NHLRC3: variants seen among roughly 807,000 people sequenced by gnomAD.
NHLRC3 encodes NHL repeat containing 3.
A neutral mutation model predicts 32.0 loss-of-function variants in NHLRC3; 23 were observed. The ratio of observed to expected loss-of-function variants is 0.72; its 90% CI spans 0.52 to 1.02. The LOEUF is 1.02. Among genes scored for constraint, NHLRC3 ranks in the 50% least tolerant of loss-of-function variants. The pLI is 0.00. For synonymous variants in NHLRC3, 159 were observed against 147.9 expected, an observed-to-expected ratio of 1.08 and a Z score of -0.55; for missense variants, 407 against 406.8, an observed-to-expected ratio of 1.00 and a Z score of -0.01.
intron 1 of NHLRC3, 72 bp from the exon 2 acceptor site, chr13:39,039,064 C>G (rs1277452737): frequency 2.9e-6 from 2 of 693,570 alleles, no homozygotes; most frequent in East Asian, 5.8e-5. Context: ...GCCCTGTTAC[C>G]CGGCCCCCCC....
chr13:39,038,323 C>G (rs1593547581), upstream of NHLRC3: 2 of 396,500 alleles, frequency 5.0e-6, no homozygotes, highest in African/African-American at 4.1e-5. Context: ...ACTTTGGTGG[C>G]CACTGAAAGT....
chr13:39,047,641 G>A (rs772783013), intron 6 of NHLRC3, 33 bp from the exon 7 acceptor site: 2 of 1,572,244 alleles, frequency 1.3e-6, no homozygotes, highest in East Asian at 4.5e-5. Flanking sequence ...TTTTTTCACA[G>A]ACATTTATTA....
intron 4 of NHLRC3, 84 bp from the exon 5 acceptor site, chr13:39,044,006 T>G: frequency 1.0e-6 from 1 of 971,290 alleles, no homozygotes; most frequent in South Asian, 1.4e-5. Context: ...AATTAAATAG[T>G]TCTTTGTAAC....
rs139618208 is a variant in NHLRC3 at position 39,038,682 on chromosome 13, C to G, written c.43C>G (p.Leu15Val). The G allele has an allele frequency of 6.2e-7, 1 of 1,614,182 alleles. No individual in the cohort carries two copies. Among genetic ancestry groups the G allele is most frequent in the South Asian group, 1.1e-5 (1 of 91,084 alleles). Residue 15 changes from leucine (L) to valine (V), a missense_variant, in exon 1 of 7, where the codon CTT becomes GTT. Physicochemically the swap from Leu to Val is conservative, Grantham distance 32 (BLOSUM62 1). Coordinates refer to ENST00000379600, the MANE Select transcript of NHLRC3 (RefSeq NM_001012754.4). ...CTGCGTAGCCGGTGCTGGCTTCTTT[C>G]TTGCATTTTTGGTTTTGCATTCGCG... ...WVCVAGAGFF[L>V]AFLVLHSRFC...
chr13:39,043,143 T>G (rs888946847), intron 4 of NHLRC3, among the ~76,000 whole-genome samples: 1 of 152,210 alleles, frequency 6.6e-6, no homozygotes, highest in Non-Finnish European at 1.5e-5. Context: ...GTAGTCAATT[T>G]ATCAATTAGT....
intron 5 of NHLRC3, among the ~76,000 whole-genome samples, chr13:39,046,161 C>A (rs1239880862): frequency 1.3e-5 from 2 of 151,876 alleles, no homozygotes; most frequent in African/African-American, 4.8e-5. Context: ...ACTAAAAATA[C>A]AAAAAAATTA....
chr13:39,046,978 A>T lies in NHLRC3; in HGVS notation c.679-62A>T. 5 of 1,050,496 alleles carry T rather than the reference A, an allele frequency of 4.8e-6. No homozygotes were observed. In the Admixed American group the frequency reaches 8.9e-5, roughly 19 times the overall value. The allele number at this position is 1,050,496 out of a possible 1,614,324, so 65.1% of individuals were successfully genotyped here. ...TATGGTGAAACTAATGAAAATAAAC[A>T]TTCTTTTCCCTTTTTTCTTCTCATG... On this transcript the variant is annotated intron_variant, in intron 5 of 6. Transcript: ENST00000379600.
intron 5 of NHLRC3, among the ~76,000 whole-genome samples, chr13:39,046,530 A>G (rs986526388): frequency 6.6e-6 from 1 of 152,180 alleles, no homozygotes; most frequent in African/African-American, 2.4e-5. Context: ...CTCTGTACAT[A>G]CCTTGGTAAT....
At chr13:39,045,706 G>A (rs1029295236) in intron 5 of NHLRC3, among the ~76,000 whole-genome samples, 5 of 152,186 alleles carry the variant, frequency 3.3e-5, no homozygotes, top group African/African-American at 7.2e-5. Flanking sequence ...TGGGATACTA[G>A]TCTCAAACTC....
Position 39,038,462 on chromosome 13 carries a change from C to G in NHLRC3, c.-178C>G. On this transcript the variant is annotated 5_prime_UTR_variant, in exon 1 of 7. Transcript: ENST00000379600. ...CTGGTCTTCTGTGATTTTCATTCGC[C>G]CTGGTCTCTGTTCCCTTTCGTACTC... 6.4e-6 allele frequency: 4 copies of G among 622,808 alleles called. No homozygotes were observed. The East Asian group carries it at 1.1e-4, about 17-fold the overall frequency. 38.6% of individuals were successfully genotyped at this position (622,808 alleles called of 1,614,324 possible).
rs2138147189 is a variant in NHLRC3, at chr13:39,038,573, G to A, written c.-67G>A. 2 of 1,379,320 alleles carry A rather than the reference G, an allele frequency of 1.4e-6. No homozygotes were observed. Among genetic ancestry groups the A allele is most frequent in the Non-Finnish European group, 2.1e-6 (2 of 965,756 alleles). The allele number at this position is 1,379,320 out of a possible 1,614,324, so 85.4% of individuals were successfully genotyped here. ...CTCTGTGCCGCTGCAAACCGTTGCA[G>A]CCTGAGGCTGTCAGGTCCTCCCCCA... On this transcript the variant is annotated 5_prime_UTR_variant, in exon 1 of 7. Transcript: ENST00000379600.
chr13:39,046,865 A>G (rs1258978152), intron 5 of NHLRC3, among the ~76,000 whole-genome samples, 175 bp from the exon 6 acceptor site: 1 of 152,232 alleles, frequency 6.6e-6, no homozygotes, highest in Non-Finnish European at 1.5e-5. Flanking sequence ...CTCACTTCAG[A>G]GACGGCAACC....
At position 39,039,716 on chromosome 13, in the gene NHLRC3, G is replaced by A. The variant is rs995235701; in HGVS notation, c.385+5G>A. 3.1e-6 allele frequency: 5 copies of A among 1,601,682 alleles called. No homozygotes were observed. Among genetic ancestry groups the A allele is most frequent in the African/African-American group, 1.3e-5 (1 of 74,766 alleles). On this transcript the variant is annotated splice_donor_5th_base_variant and intron_variant, in intron 3 of 6. Coordinates refer to ENST00000379600, the MANE Select transcript of NHLRC3 (RefSeq NM_001012754.4). The stretch of plus-strand genomic sequence containing the variant: ...GGATCACGGATGTAGGAAGTGGTAT[G>A]TATAGTAATATCTATTAAATTATCT...
upstream of NHLRC3, chr13:39,038,449 G>A (rs1006270505): frequency 1.7e-6 from 1 of 604,076 alleles, no homozygotes; most frequent in African/African-American, 1.9e-5. Context: ...GGTCTTCTGT[G>A]ATTTTCATTC....
chr13:39,039,159 A>G lies in NHLRC3; in HGVS notation c.108A>G (p.Ala36=). The change falls in exon 2 of 7, where the codon GCA becomes GCG. Residue 36 remains alanine, a synonymous_variant. Transcript: ENST00000379600. The stretch of plus-strand genomic sequence containing the variant: ...AGGTTTTGAGGAACTTTACTTTTGC[A>G]GTTTCCTGGAGAACTGAGAAAATTC... ...GSPVLRNFTF[A]VSWRTEKILY... 2 of 1,607,596 alleles carry G rather than the reference A, an allele frequency of 1.2e-6. No homozygotes were observed. The highest frequency in any genetic ancestry group is 1.4e-5 in the African/African-American group (1 of 73,568).
chr13:39,044,232 T>TGGGG (rs200936290), intron 5 of NHLRC3, 51 bp downstream of exon 5: 87 of 522,500 alleles, frequency 1.7e-4, no homozygotes, highest in South Asian at 1.0e-3. Context: ...AATATGTTTG[T>TGGGG]GTGTGTGTGT....
rs564408328 is a variant in NHLRC3, at chr13:39,038,799, T to C, written c.84+76T>C. 238 of 1,226,228 alleles carry C rather than the reference T, an allele frequency of 1.9e-4. No homozygotes were observed. The African/African-American group carries it at 2.0e-3, about 10-fold the overall frequency. 76.0% of individuals were successfully genotyped at this position (1,226,228 alleles called of 1,614,324 possible). A position where few individuals can be genotyped will look rare whatever the true frequency, so the allele number is the denominator to read the frequency against. ...GGGAGGCGTCGCCACGGTCGTGGCA[T>C]GGAGGTGGCAGGCCCTGGTTCCCTC... On this transcript the variant is annotated intron_variant, in intron 1 of 6. Transcript: ENST00000379600.
Position 39,042,209 on chromosome 13 carries a change from G to T in NHLRC3, c.490G>T (p.Asp164Tyr), listed in dbSNP as rs1871492438. The change falls in exon 4 of 7, where the codon GAT becomes TAT. Residue 164 changes from aspartate to tyrosine, a missense_variant. Transcript: ENST00000379600. ...KGTSLNPLQF[D>Y]NPAELYVEDT... ...CACTAGTTTGAATCCTTTGCAGTTT[G>T]ATAACCCAGCAGAATTATATGTAGA... The T allele has an allele frequency of 1.9e-6, 3 of 1,611,208 alleles. No individual in the cohort carries two copies. The highest frequency in any genetic ancestry group is 3.3e-5 in the Admixed American group (2 of 59,984).
At chr13:39,046,662 C>A (rs1871690510) in intron 5 of NHLRC3, among the ~76,000 whole-genome samples, 2 of 152,306 alleles carry the variant, frequency 1.3e-5, no homozygotes, top group African/African-American at 2.4e-5. Context: ...GCTGACAAGC[C>A]AGTAGTACTC....
Sources: gnomAD v4.1 joint callset for allele counts (sites outside exome capture counted in the v4.1 genomes callset) on GRCh38, gnomAD v4.1.1 for gene constraint, MANE v1.5 for transcripts, NCBI Gene and HGNC (gene_info 2026-07-23, HGNC 2026-07-21) for gene names.